Variants in UTRN observed in about 807,000 individuals in gnomAD.
UTRN encodes dystrophin-related protein 1.
In UTRN, 283 loss-of-function variants were observed where a neutral mutation model predicts 463.9. The observed-to-expected ratio is 0.61, with a 90% confidence interval of 0.55 to 0.67. The LOEUF is 0.67. Among genes scored for constraint, UTRN ranks in the 30% least tolerant of loss-of-function variants. UTRN has a pLI of 0.00. For synonymous variants in UTRN, 1,442 were observed against 1,431.5 expected, an observed-to-expected ratio of 1.01 and a Z score of -0.17; for missense variants, 3,922 against 4,084.3, an observed-to-expected ratio of 0.96 and a Z score of 1.08.
At chr6:144,754,655 ATAT>A in intron 56 of UTRN, 62 bp from the exon 57 acceptor site, 1 of 1,551,400 alleles carries the variant, frequency 6.4e-7, no homozygotes, top group Non-Finnish European at 8.9e-7. Context: ...TAAAGCAAAA[ATAT>A]TATTAAAGTT....
chr6:144,805,065 TG>T (rs1398651736), intron 65 of UTRN, among the ~76,000 whole-genome samples: 1 of 152,100 alleles, frequency 6.6e-6, no homozygotes, highest in Non-Finnish European at 1.5e-5. Flanking sequence ...AATGGAGAAG[TG>T]GGTGGACAGG....
At chr6:144,600,122 C>T (rs928859766) in intron 51 of UTRN, among the ~76,000 whole-genome samples, 3 of 152,176 alleles carry the variant, frequency 2.0e-5, no homozygotes, top group African/African-American at 4.8e-5. Context: ...TCCATCAACA[C>T]ACCATTCCCA....
intron 34 of UTRN, among the ~76,000 whole-genome samples, chr6:144,500,340 T>G (rs1326193085): frequency 6.6e-6 from 1 of 152,236 alleles, no homozygotes; most frequent in Non-Finnish European, 1.5e-5. Context: ...TCATTGTGGT[T>G]TCAATTTGCA....
chr6:144,288,857 G>C (rs1452703269), intron 1 of UTRN, among the ~76,000 whole-genome samples: 1 of 149,532 alleles, frequency 6.7e-6, no homozygotes, highest in Non-Finnish European at 1.5e-5. Flanking sequence ...TTTACCTCCT[G>C]AGTTCAATCA....
At chr6:144,612,650 GAT>G (rs1334811336) in intron 51 of UTRN, among the ~76,000 whole-genome samples, 4 of 152,044 alleles carry the variant, frequency 2.6e-5, no homozygotes, top group Admixed American at 1.3e-4. Flanking sequence ...ACCACAATGA[GAT>G]ATTACCTCAC....
At chr6:144,545,751 G>T (rs1409839529) in intron 46 of UTRN, among the ~76,000 whole-genome samples, 2 of 152,228 alleles carry the variant, frequency 1.3e-5, no homozygotes, top group Non-Finnish European at 2.9e-5. Flanking sequence ...AGGGCACGGT[G>T]GCTCATGCCT....
intron 2 of UTRN, among the ~76,000 whole-genome samples, chr6:144,387,740 C>G (rs1781539531): frequency 6.6e-6 from 1 of 152,196 alleles, no homozygotes; most frequent in Admixed American, 6.5e-5. Flanking sequence ...AGTTTAGGAG[C>G]TTAGCTCCCG....
intron 59 of UTRN, among the ~76,000 whole-genome samples, chr6:144,773,773 C>G (rs1775063436): frequency 6.6e-6 from 1 of 152,196 alleles, no homozygotes; most frequent in Admixed American, 6.5e-5. Context: ...TATTCCTTTC[C>G]TCTAGGGACA....
intron 3 of UTRN, among the ~76,000 whole-genome samples, chr6:144,412,718 G>C (rs1039282409): frequency 4.5e-5 from 6 of 134,314 alleles, no homozygotes; most frequent in Admixed American, 4.4e-4. Context: ...CACTATATAT[G>C]TTTGTGTGTG....
intron 30 of UTRN, among the ~76,000 whole-genome samples, chr6:144,489,821 C>T (rs961684760): frequency 6.6e-6 from 1 of 151,626 alleles, no homozygotes; most frequent in Non-Finnish European, 1.5e-5. Flanking sequence ...GGGGTTTCAC[C>T]ATCTTGGCCA....
At chr6:144,620,774 G>A (rs1405030734) in intron 51 of UTRN, among the ~76,000 whole-genome samples, 1 of 151,900 alleles carries the variant, frequency 6.6e-6, no homozygotes, top group Non-Finnish European at 1.5e-5. Context: ...GAATGAGGAG[G>A]GAATTAAGGA....
At chr6:144,457,016 T>C (rs1788912401) in intron 19 of UTRN, among the ~76,000 whole-genome samples, 1 of 152,232 alleles carries the variant, frequency 6.6e-6, no homozygotes, top group South Asian at 2.1e-4. Context: ...AGTGATCTTC[T>C]GTTGATTTTG....
At chr6:144,591,997 G>T (rs1194277950) in intron 51 of UTRN, among the ~76,000 whole-genome samples, 1 of 152,156 alleles carries the variant, frequency 6.6e-6, no homozygotes, top group Non-Finnish European at 1.5e-5. Context: ...CTGGCATCCT[G>T]CAGGCTAGGG....
rs1336153576 is a variant in UTRN at position 144,824,573 on chromosome 6, TA to T, written c.9495-2774del. On this transcript the variant is annotated intron_variant, in intron 66 of 74. Transcript: ENST00000367545. ...ATATATATTAATATAGCATTTTATT[TA>T]TATATATATATATATATATATATAT... Among the ~76,000 whole-genome samples the T allele has an allele frequency of 1.8e-3, 23 of 12,440 alleles. 1 individual carries two copies. Among genetic ancestry groups the T allele is most frequent in the Middle Eastern group, 0.045 (1 of 22 alleles). The allele number at this position is 12,440 out of a possible 152,430, so 8.2% of individuals were successfully genotyped here.
intron 2 of UTRN, among the ~76,000 whole-genome samples, chr6:144,353,583 G>A: frequency 6.6e-6 from 1 of 152,138 alleles, no homozygotes; most frequent in Non-Finnish European, 1.5e-5. Flanking sequence ...TTACTGCAGT[G>A]CTCATGTTTC....
intron 46 of UTRN, 93 bp downstream of exon 46, chr6:144,542,963 A>T: frequency 7.7e-6 from 8 of 1,038,772 alleles, no homozygotes; most frequent in Non-Finnish European, 9.8e-6. Context: ...AAAGACTTAG[A>T]AACGTCGTGC....
chr6:144,365,638 A>G (rs7765923), intron 2 of UTRN, among the ~76,000 whole-genome samples: 114,892 of 152,216 alleles, frequency 0.75, 44,030 homozygotes, highest in African/African-American at 0.89. Flanking sequence ...GGATTTAAAT[A>G]ACTCCAATTT....
chr6:144,789,383 T>C (rs1586581573), intron 62 of UTRN, 104 bp downstream of exon 62: 1 of 1,006,786 alleles, frequency 9.9e-7, no homozygotes, highest in East Asian at 2.8e-5. Context: ...GTAATAGTTC[T>C]CTCTCTTTTT....
At chr6:144,561,872 TC>T (rs1799959050) in intron 50 of UTRN, among the ~76,000 whole-genome samples, 1 of 152,174 alleles carries the variant, frequency 6.6e-6, no homozygotes, top group African/African-American at 2.4e-5. Flanking sequence ...TAAGTCCACT[TC>T]CTTTAGTCAA....
Sources: allele counts gnomAD v4.1 joint callset (sites outside exome capture counted in the v4.1 genomes callset), GRCh38; gene constraint gnomAD v4.1.1; transcripts MANE v1.5; gene names NCBI Gene and HGNC (gene_info 2026-07-23, HGNC 2026-07-21).